Variants in B3GALNT1 observed in about 807,000 individuals in gnomAD.
B3GALNT1 encodes UDP-GalNAc:beta-1,3-N-acetylgalactosaminyltransferase 1.
In B3GALNT1, 17 loss-of-function variants were observed where a neutral mutation model predicts 27.3. The ratio of observed to expected loss-of-function variants is 0.62; its 90% CI spans 0.43 to 0.94. B3GALNT1 has a LOEUF of 0.94. B3GALNT1 is among the 40% of genes least tolerant of loss of function. B3GALNT1 has a pLI of 0.00. For synonymous variants in B3GALNT1, 141 were observed against 144.0 expected (o/e 0.98, Z 0.15); for missense variants, 347 against 390.0 (o/e 0.89, Z 0.93).
intron 4 of B3GALNT1, chr3:161,090,107 G>A (rs1380086833): frequency 6.4e-6 from 1 of 155,580 alleles, no homozygotes; most frequent in Admixed American, 6.5e-5. Context: ...AGGGACAAAG[G>A]AGATGTTATT....
At chr3:161,087,375 C>G (rs1224151592) in intron 4 of B3GALNT1, among the ~76,000 whole-genome samples, 3 of 152,178 alleles carry the variant, frequency 2.0e-5, no homozygotes, top group Non-Finnish European at 4.4e-5. Flanking sequence ...ACCTGAAAGG[C>G]AAGTCCTCCA....
rs201948492 is a variant in B3GALNT1 at position 161,085,978 on chromosome 3, G to A, written c.777C>T (p.His259=). 79 of 1,591,254 alleles carry A rather than the reference G, an allele frequency of 5.0e-5. 1 individual carries two copies. The highest frequency in any genetic ancestry group is 2.8e-4 in the Admixed American group (16 of 56,812). ...CATCTTCAAACTTGATGGGTTTTAC[G>A]TGACCCATCATTTCATAGATCCTTG... ...LVPRIYEMMG[H]VKPIKFEDVY... is the part of the protein sequence containing the mutation. The change falls in exon 5 of 5, where the codon CAC becomes CAT. Residue 259 remains histidine (H), a synonymous_variant. Coordinates refer to ENST00000320474, the MANE Select transcript of B3GALNT1 (RefSeq NM_003781.4).
At chr3:161,086,915 G>C in intron 4 of B3GALNT1, 127 bp from the exon 5 acceptor site, 1 of 989,912 alleles carries the variant, frequency 1.0e-6, no homozygotes, top group East Asian at 2.6e-5. Context: ...AAAAAATCCT[G>C]ACTTGAATCT....
chr3:161,096,478 A>G (rs2108370754), intron 4 of B3GALNT1, among the ~76,000 whole-genome samples: 1 of 152,336 alleles, frequency 6.6e-6, no homozygotes, highest in Admixed American at 6.5e-5. Context: ...AGGGAGTGGA[A>G]ATCTTAATTG....
chr3:161,105,112 C>A (rs1733655352), intron 1 of B3GALNT1, 123 bp downstream of exon 1: 1 of 152,260 alleles, frequency 6.6e-6, no homozygotes, highest in Non-Finnish European at 1.5e-5. Flanking sequence ...GCCTAGCTGC[C>A]GGGGTCTAGG....
At chr3:161,100,103 A>G (rs1268986199) in intron 4 of B3GALNT1, among the ~76,000 whole-genome samples, 4 of 152,226 alleles carry the variant, frequency 2.6e-5, no homozygotes, top group Non-Finnish European at 5.9e-5. Flanking sequence ...TGTAAGTATC[A>G]CTCCAGAAGG....
chr3:161,098,171 A>G (rs999475329), intron 4 of B3GALNT1, among the ~76,000 whole-genome samples: 1 of 152,174 alleles, frequency 6.6e-6, no homozygotes, highest in Non-Finnish European at 1.5e-5. Context: ...AGTAGGCACC[A>G]ATATTATAAC....
Position 161,086,688 on chromosome 3 carries a change from G to A in B3GALNT1, c.67C>T (p.Leu23=). The change falls in exon 5 of 5, where the codon CTG becomes TTG. Residue 23 remains leucine (L), a synonymous_variant. Transcript: ENST00000320474. The part of the protein sequence containing the change: ...MSLRSLKWSL[L]LLSLLSFFVM... Reference sequence around the variant, plus strand: ...AAGAAACTCAGGAGTGACAGCAGCAGGAGGCTCCATTTGAGGGATCTCAGT... The same window carrying A: ...AAGAAACTCAGGAGTGACAGCAGCAAGAGGCTCCATTTGAGGGATCTCAGT... 2 of 1,614,212 alleles carry A rather than the reference G, an allele frequency of 1.2e-6. No homozygotes were observed. The highest frequency in any genetic ancestry group is 1.3e-5 in the African/African-American group (1 of 75,060).
intron 4 of B3GALNT1, among the ~76,000 whole-genome samples, chr3:161,095,128 G>A (rs1298707450): frequency 3.3e-5 from 5 of 152,008 alleles, no homozygotes; most frequent in East Asian, 1.9e-4. Flanking sequence ...CACCAAACCC[G>A]GCCTGACTCC....
In B3GALNT1 at chr3:161,086,732, A is replaced by G. The variant is rs778242356; in HGVS notation, c.23T>C (p.Val8Ala). MASALWT[V>A]LPSRMSLRSL... ...TCTCAGTGACATCCTACTCGGAAGG[A>G]CAGTCCAGAGAGCCGAGGCCATCCA... The change falls in exon 5 of 5, where the codon GTC (valine) becomes GCC (alanine). Residue 8 changes from valine to alanine, a missense_variant. Coordinates refer to ENST00000320474, the MANE Select transcript of B3GALNT1 (RefSeq NM_003781.4). 4 of 1,614,084 alleles carry G rather than the reference A, an allele frequency of 2.5e-6. No homozygotes were observed. Among genetic ancestry groups the G allele is most frequent in the Non-Finnish European group, 2.5e-6 (3 of 1,179,998 alleles).
intron 3 of B3GALNT1, among the ~76,000 whole-genome samples, chr3:161,101,756 C>A (rs1254153672): frequency 3.3e-5 from 5 of 152,148 alleles, no homozygotes; most frequent in Admixed American, 3.3e-4. Flanking sequence ...AAATTTAGAG[C>A]CTGTTATCAG....
intron 4 of B3GALNT1, among the ~76,000 whole-genome samples, chr3:161,098,926 G>A (rs987505826): frequency 2.6e-5 from 4 of 152,284 alleles, no homozygotes; most frequent in Middle Eastern, 3.4e-3. Context: ...AAGGTAACTC[G>A]CAGGTAACAC....
intron 4 of B3GALNT1, among the ~76,000 whole-genome samples, chr3:161,088,718 C>G (rs1211937278): frequency 2.0e-5 from 3 of 152,154 alleles, no homozygotes; most frequent in Non-Finnish European, 2.9e-5. Context: ...TTTATGACAA[C>G]AAATATCTCA....
chr3:161,085,577 T>C lies in B3GALNT1; in HGVS notation c.*182A>G, dbSNP rs995112608. The C allele has an allele frequency of 1.6e-6, 1 of 640,318 alleles. No individual in the cohort carries two copies. Among genetic ancestry groups the C allele is most frequent in the African/African-American group, 1.8e-5 (1 of 54,698 alleles). 39.7% of individuals were successfully genotyped at this position (640,318 alleles called of 1,614,324 possible). On this transcript the variant is annotated 3_prime_UTR_variant, in exon 5 of 5. Coordinates refer to ENST00000320474, the MANE Select transcript of B3GALNT1 (RefSeq NM_003781.4). ...TATTTAATTCCTCCACATATCATCT[T>C]TGAAGGGCCTGACTAATAAATCACA...
At chr3:161,091,506 A>G (rs2108284512) in intron 4 of B3GALNT1, among the ~76,000 whole-genome samples, 1 of 152,296 alleles carries the variant, frequency 6.6e-6, no homozygotes, top group South Asian at 2.1e-4. Flanking sequence ...TAGAACATGA[A>G]TCCTCCCTCT....
chr3:161,089,212 A>G (rs548525921), intron 4 of B3GALNT1, among the ~76,000 whole-genome samples: 15 of 152,330 alleles, frequency 9.8e-5, no homozygotes, highest in African/African-American at 3.6e-4. Flanking sequence ...TAGTGATAAT[A>G]TATGCAAAAC....
intron 4 of B3GALNT1, among the ~76,000 whole-genome samples, chr3:161,095,890 C>T (rs1727889750): frequency 6.6e-6 from 1 of 152,230 alleles, no homozygotes; most frequent in Non-Finnish European, 1.5e-5. Flanking sequence ...TTCAGCAATT[C>T]GCCCATCCAC....
intron 4 of B3GALNT1, among the ~76,000 whole-genome samples, chr3:161,096,747 A>C (rs1728388792): frequency 6.6e-6 from 1 of 152,220 alleles, no homozygotes; most frequent in African/African-American, 2.4e-5. Context: ...TTATATTAGA[A>C]ATAAACACAA....
chr3:161,084,181 A>C lies in B3GALNT1; in HGVS notation c.*1578T>G, dbSNP rs1720665103. On this transcript the variant is annotated 3_prime_UTR_variant, in exon 5 of 5. Coordinates refer to ENST00000320474, the MANE Select transcript of B3GALNT1 (RefSeq NM_003781.4). ...CCAGTCAAATCTAACCATGCCACAA[A>C]AATAACTACCACCATCTGTCTTAAA... is the stretch of plus-strand genomic sequence containing the variant. 1.3e-5 allele frequency: 2 copies of C among 152,230 alleles called. No individual in the cohort carries two copies. The highest frequency in any genetic ancestry group is 4.1e-4 in the South Asian group (2 of 4,830). 9.4% of individuals were successfully genotyped at this position (152,230 alleles called of 1,614,324 possible).
Sources: gnomAD v4.1 joint callset for allele counts (sites outside exome capture counted in the v4.1 genomes callset) on GRCh38, gnomAD v4.1.1 for gene constraint, MANE v1.5 for transcripts, NCBI Gene and HGNC (gene_info 2026-07-23, HGNC 2026-07-21) for gene names.